Variants in ADGRL3 observed in about 807,000 individuals in gnomAD.
ADGRL3 encodes the protein calcium-independent alpha-latrotoxin receptor 3.
ADGRL3 carries 62 observed loss-of-function variants against 153.5 expected under a neutral mutation model. The observed-to-expected ratio is 0.40, with a 90% CI of 0.33 to 0.50. The LOEUF (loss-of-function observed/expected upper bound fraction) is 0.50, where lower values mean the gene tolerates loss of function less well. Among genes scored for constraint, ADGRL3 ranks in the 20% least tolerant of loss-of-function variants. The pLI, the probability that ADGRL3 is intolerant of heterozygous loss-of-function variation, is 0.47. For missense variants in ADGRL3, 1,641 were observed against 1,859.4 expected (o/e 0.88, Z 2.16); for synonymous variants, 710 against 672.5 (o/e 1.06, Z -0.86).
intron 17 of ADGRL3, among the ~76,000 whole-genome samples, chr4:61,956,443 G>C (rs75881736): frequency 1.3e-5 from 2 of 152,124 alleles, no homozygotes; most frequent in Non-Finnish European, 2.9e-5. Flanking sequence ...TTTGACTCTT[G>C]TCAGATGGGT....
At chr4:61,330,382 G>A (rs1209883504) in intron 1 of ADGRL3, among the ~76,000 whole-genome samples, 1 of 152,074 alleles carries the variant, frequency 6.6e-6, no homozygotes, top group African/African-American at 2.4e-5. Flanking sequence ...TAGAGGAAGG[G>A]TAAATTCTCT....
chr4:61,822,082 A>G (rs1228746268), intron 9 of ADGRL3, among the ~76,000 whole-genome samples: 1 of 152,232 alleles, frequency 6.6e-6, no homozygotes, highest in Non-Finnish European at 1.5e-5. Flanking sequence ...TCTGATTAGC[A>G]GACATTACAG....
intron 9 of ADGRL3, among the ~76,000 whole-genome samples, chr4:61,889,334 G>T (rs566790768): frequency 6.6e-6 from 1 of 152,284 alleles, no homozygotes; most frequent in Admixed American, 6.5e-5. Flanking sequence ...AAAGAACAGG[G>T]TGCAGCTGGG....
At chr4:61,778,057 A>G (rs888825918) in intron 8 of ADGRL3, among the ~76,000 whole-genome samples, 1 of 152,216 alleles carries the variant, frequency 6.6e-6, no homozygotes, top group Non-Finnish European at 1.5e-5. Flanking sequence ...ACAAAAGGAA[A>G]ATTCCATACC....
At chr4:61,643,182 T>A (rs1210787795) in intron 5 of ADGRL3, among the ~76,000 whole-genome samples, 4 of 152,102 alleles carry the variant, frequency 2.6e-5, no homozygotes, top group African/African-American at 9.7e-5. Flanking sequence ...CTTAAGGAGA[T>A]TTTGGGCTGA....
At chr4:61,404,332 C>A (rs952274477) in intron 2 of ADGRL3, among the ~76,000 whole-genome samples, 7 of 151,982 alleles carry the variant, frequency 4.6e-5, no homozygotes, top group Middle Eastern at 3.2e-3. Context: ...TCCCTGAGGA[C>A]TAGAAAGGAG....
intron 17 of ADGRL3, among the ~76,000 whole-genome samples, chr4:61,958,594 A>G (rs900791678): frequency 2.6e-5 from 4 of 152,118 alleles, no homozygotes; most frequent in African/African-American, 4.8e-5. Context: ...CAGAAGGTGA[A>G]GGGGAAGCAG....
intron 9 of ADGRL3, among the ~76,000 whole-genome samples, chr4:61,820,793 T>C (rs1351512702): frequency 6.6e-6 from 1 of 152,138 alleles, no homozygotes; most frequent in African/African-American, 2.4e-5. Flanking sequence ...GCAGGACTCA[T>C]TAAAAGTTAG....
intron 3 of ADGRL3, among the ~76,000 whole-genome samples, chr4:61,498,269 G>T (rs1450783690): frequency 6.6e-6 from 1 of 151,998 alleles, no homozygotes; most frequent in Non-Finnish European, 1.5e-5. Flanking sequence ...TCAAAAGAAC[G>T]GCTGGGCACC....
intron 8 of ADGRL3, among the ~76,000 whole-genome samples, chr4:61,776,604 C>T (rs1037507900): frequency 2.6e-5 from 4 of 151,888 alleles, no homozygotes; most frequent in Non-Finnish European, 5.9e-5. Flanking sequence ...ATGTGCTGTA[C>T]AGATATTATT....
chr4:62,044,982 G>GA (rs1294257214), intron 25 of ADGRL3, among the ~76,000 whole-genome samples: 1 of 151,906 alleles, frequency 6.6e-6, no homozygotes, highest in Non-Finnish European at 1.5e-5. Context: ...TGTGTACTTG[G>GA]AAAAAATCAC....
chr4:61,869,562 C>T (rs113283547), intron 9 of ADGRL3, among the ~76,000 whole-genome samples: 1 of 151,880 alleles, frequency 6.6e-6, no homozygotes, highest in Admixed American at 6.6e-5. Flanking sequence ...TGCGCCACTG[C>T]AGTCCGCAGT....
At chr4:61,848,307 G>T (rs187234941) in intron 9 of ADGRL3, among the ~76,000 whole-genome samples, 1 of 150,414 alleles carries the variant, frequency 6.6e-6, no homozygotes, top group East Asian at 2.0e-4. Flanking sequence ...CACAGCATTG[G>T]TTGGGCCATG....
intron 4 of ADGRL3, among the ~76,000 whole-genome samples, chr4:61,567,164 G>T (rs1455989292): frequency 6.6e-6 from 1 of 152,142 alleles, no homozygotes; most frequent in East Asian, 1.9e-4. Flanking sequence ...CCAGATGAGA[G>T]AACTAAGACT....
At position 61,262,462 on chromosome 4, in the gene ADGRL3, CTT is replaced by C. The variant is rs200724025; in HGVS notation, c.-240+60702_-240+60703del. Among the ~76,000 whole-genome samples, 819 of 152,038 alleles carry C rather than the reference CTT, an allele frequency of 5.4e-3. 35 individuals carry two copies. Among genetic ancestry groups the C allele is most frequent in the Admixed American group, 0.049 (748 of 15,262 alleles). ...CATTGTGTTGTTTCTAGATTTCACT[CTT>C]TTTTAAAAAAATTGGGCAACATTTG... On this transcript the variant is annotated intron_variant, in intron 1 of 26. Coordinates refer to ENST00000683033, the MANE Select transcript of ADGRL3 (RefSeq NM_001387552.1).
At chr4:61,629,721 C>CAAA (rs59504485) in intron 5 of ADGRL3, among the ~76,000 whole-genome samples, 2 of 33,446 alleles carry the variant, frequency 6.0e-5, no homozygotes, top group Non-Finnish European at 9.7e-5. Context: ...CGTCTCGGGG[C>CAAA]AAAAAAAAAA....
At chr4:61,376,889 A>G (rs754716658) in intron 1 of ADGRL3, among the ~76,000 whole-genome samples, 1 of 152,140 alleles carries the variant, frequency 6.6e-6, no homozygotes, top group Non-Finnish European at 1.5e-5. Flanking sequence ...GATTGTGGCT[A>G]TGGAAGCTGT....
rs143499491 is a variant in ADGRL3 at position 61,626,261 on chromosome 4, C to T, written c.473+38821C>T. Among the ~76,000 whole-genome samples the T allele has an allele frequency of 4.6e-3, 703 of 151,986 alleles. 4 individuals are homozygous for T. The highest frequency in any genetic ancestry group is 7.5e-3 in the Non-Finnish European group (512 of 67,890). On this transcript the variant is annotated intron_variant, in intron 5 of 26. Transcript: ENST00000683033. ...TGTCTTTAGCTCTATTTCTTTTTCT[C>T]TAAATATCCATTTATTTGGATTAAA...
chr4:61,932,185 T>C (rs2098820414), intron 13 of ADGRL3, among the ~76,000 whole-genome samples: 1 of 152,114 alleles, frequency 6.6e-6, no homozygotes, highest in Non-Finnish European at 1.5e-5. Context: ...TTATTATTAT[T>C]ACCTAATTGC....
Sources: allele counts gnomAD v4.1 joint callset (sites outside exome capture counted in the v4.1 genomes callset), GRCh38; gene constraint gnomAD v4.1.1; transcripts MANE v1.5; gene names NCBI Gene and HGNC (gene_info 2026-07-23, HGNC 2026-07-21).